JPH1: variants seen among roughly 807,000 people sequenced by gnomAD.
JPH1 encodes junctophilin 1.
A neutral mutation model predicts 53.6 loss-of-function variants in JPH1; 12 were observed. The observed-to-expected ratio is 0.22, with a 90% CI of 0.14 to 0.36. The LOEUF is 0.36. Among genes scored for constraint, JPH1 ranks in the 10% least tolerant of loss-of-function variants. The pLI, the probability that JPH1 is intolerant of heterozygous loss-of-function variation, is 1.00. For synonymous variants in JPH1, 375 were observed against 363.8 expected (o/e 1.03, Z -0.35); for missense variants, 808 against 905.5 (o/e 0.89, Z 1.38).
chr8:74,238,012 T>C (rs531475371), intron 4 of JPH1, among the ~76,000 whole-genome samples: 1 of 152,318 alleles, frequency 6.6e-6, no homozygotes, highest in East Asian at 1.9e-4. Context: ...GCCCCAAATT[T>C]TTACTTGTTT....
At chr8:74,241,975 C>T (rs1377286480) in intron 4 of JPH1, among the ~76,000 whole-genome samples, 6 of 152,110 alleles carry the variant, frequency 3.9e-5, no homozygotes, top group Admixed American at 6.5e-5. Flanking sequence ...CAAAACTCTA[C>T]AAAAATTTCG....
chr8:74,301,544 G>A (rs750558080), intron 2 of JPH1, among the ~76,000 whole-genome samples: 21 of 152,284 alleles, frequency 1.4e-4, no homozygotes, highest in South Asian at 6.2e-4. Context: ...TGGAGAAAGC[G>A]TTCTTCCACT....
In JPH1 at chr8:74,237,015, C is replaced by T. The variant is rs1239508020; in HGVS notation, c.*36G>A. On this transcript the variant is annotated 3_prime_UTR_variant, in exon 6 of 6. Transcript: ENST00000342232. Reference sequence around the variant, plus strand: ...CTGCAGAGAACTGTGGGCTAACACACCACTAGTTGTCAGGACTTCACTGAA... The same window carrying T: ...CTGCAGAGAACTGTGGGCTAACACATCACTAGTTGTCAGGACTTCACTGAA... 3 of 526,848 alleles carry T rather than the reference C, an allele frequency of 5.7e-6. No homozygotes were observed. The highest frequency in any genetic ancestry group is 1.0e-5 in the Non-Finnish European group (3 of 294,088). The allele number at this position is 526,848 out of a possible 1,614,324, so 32.6% of individuals were successfully genotyped here. A position where few individuals can be genotyped will look rare whatever the true frequency, so the allele number is the denominator to read the frequency against.
chr8:74,285,394 A>T (rs1375345294), intron 2 of JPH1, among the ~76,000 whole-genome samples: 2 of 152,136 alleles, frequency 1.3e-5, no homozygotes, highest in African/African-American at 4.8e-5. Flanking sequence ...TACTTCTAGA[A>T]TGAGGAAGCT....
chr8:74,307,286 T>C (rs529016476), intron 2 of JPH1, among the ~76,000 whole-genome samples: 1 of 152,326 alleles, frequency 6.6e-6, no homozygotes, highest in South Asian at 2.1e-4. Flanking sequence ...AACTGCTATG[T>C]GTGGTTTATA....
chr8:74,282,243 G>A (rs1478577354), intron 2 of JPH1, among the ~76,000 whole-genome samples: 2 of 152,124 alleles, frequency 1.3e-5, no homozygotes, highest in Non-Finnish European at 2.9e-5. Flanking sequence ...TATTCACTGA[G>A]TGTGAAAAAG....
At chr8:74,246,183 T>C (rs996037213) in intron 3 of JPH1, among the ~76,000 whole-genome samples, 1 of 152,210 alleles carries the variant, frequency 6.6e-6, no homozygotes, top group African/African-American at 2.4e-5. Context: ...GCAGTGCAAC[T>C]GACCCTCTTC....
intron 2 of JPH1, among the ~76,000 whole-genome samples, chr8:74,260,686 C>G (rs879411856): frequency 6.6e-6 from 1 of 152,118 alleles, no homozygotes; most frequent in Non-Finnish European, 1.5e-5. Flanking sequence ...AGGAGGCTGG[C>G]AGGCGGAGCT....
At chr8:74,313,110 T>A (rs367689437) in intron 2 of JPH1, among the ~76,000 whole-genome samples, 2 of 152,234 alleles carry the variant, frequency 1.3e-5, no homozygotes, top group East Asian at 3.8e-4. Flanking sequence ...TGTTAAAGTG[T>A]TCTGCACAGG....
intron 3 of JPH1, among the ~76,000 whole-genome samples, chr8:74,256,833 C>T (rs1383581071): frequency 1.3e-5 from 2 of 152,194 alleles, no homozygotes; most frequent in Non-Finnish European, 2.9e-5. Flanking sequence ...ATACTGCCAG[C>T]TCCTGAAAAT....
chr8:74,310,537 C>T (rs1188940688), intron 2 of JPH1, among the ~76,000 whole-genome samples: 1 of 152,168 alleles, frequency 6.6e-6, no homozygotes, highest in Non-Finnish European at 1.5e-5. Context: ...CTACTATCTA[C>T]TGTTATGTCA....
intron 2 of JPH1, among the ~76,000 whole-genome samples, chr8:74,294,121 T>C (rs888845270): frequency 2.6e-5 from 4 of 152,150 alleles, no homozygotes; most frequent in Non-Finnish European, 5.9e-5. Context: ...CCTCTGAATG[T>C]GGGAGGCAGG....
intron 1 of JPH1, among the ~76,000 whole-genome samples, chr8:74,318,593 A>G (rs1200413491): frequency 2.0e-5 from 3 of 152,190 alleles, no homozygotes; most frequent in East Asian, 1.9e-4. Flanking sequence ...GTAATACACA[A>G]ATCACTAATA....
chr8:74,259,422 A>G lies in JPH1; in HGVS notation c.1221T>C (p.Ala407=). The G allele has an allele frequency of 8.1e-6, 13 of 1,613,790 alleles. No homozygotes were observed. The highest frequency in any genetic ancestry group is 1.1e-5 in the Non-Finnish European group (13 of 1,179,842). ...AATCAGGTGACAGCTCCCTGGCCAC[A>G]GCTCTCGCGATGTCGCACTCCTGGC... The part of the protein sequence containing the change: ...AARQECDIAR[A]VARELSPDFY... Residue 407 remains alanine (A), a synonymous_variant, in exon 3 of 6, where the codon GCT becomes GCC. Transcript: ENST00000342232.
intron 2 of JPH1, among the ~76,000 whole-genome samples, chr8:74,308,786 T>C (rs898311282): frequency 6.6e-6 from 1 of 151,788 alleles, no homozygotes; most frequent in African/African-American, 2.4e-5. Context: ...TAAAGCAGAG[T>C]GAGGACCCAG....
At chr8:74,298,082 G>A (rs551589843) in intron 2 of JPH1, among the ~76,000 whole-genome samples, 15 of 152,266 alleles carry the variant, frequency 9.9e-5, no homozygotes, top group African/African-American at 3.6e-4. Context: ...ATAAATGCCA[G>A]TGCCAATCTC....
chr8:74,309,028 C>T (rs1807914374), intron 2 of JPH1, among the ~76,000 whole-genome samples: 1 of 152,208 alleles, frequency 6.6e-6, no homozygotes, highest in Non-Finnish European at 1.5e-5. Context: ...AACATGGCAT[C>T]CAACCTTAGT....
At chr8:74,279,848 A>G (rs1806959408) in intron 2 of JPH1, among the ~76,000 whole-genome samples, 1 of 152,248 alleles carries the variant, frequency 6.6e-6, no homozygotes, top group Admixed American at 6.5e-5. Flanking sequence ...GGAAAACTAA[A>G]GAGTTCTAAA....
intron 2 of JPH1, among the ~76,000 whole-genome samples, chr8:74,267,365 G>C (rs1397270853): frequency 6.6e-6 from 1 of 152,148 alleles, no homozygotes; most frequent in Non-Finnish European, 1.5e-5. Context: ...AGGTGGAAGG[G>C]GAACTTCTAA....
Sources: allele counts gnomAD v4.1 joint callset (sites outside exome capture counted in the v4.1 genomes callset), GRCh38; gene constraint gnomAD v4.1.1; transcripts MANE v1.5; gene names NCBI Gene and HGNC (gene_info 2026-07-23, HGNC 2026-07-21).